FGD6: variants seen among roughly 807,000 people sequenced by gnomAD.
The protein encoded by FGD6 is FYVE, RhoGEF and PH domain-containing protein 6.
A neutral mutation model predicts 149.4 loss-of-function variants in FGD6; 90 were observed. The observed-to-expected ratio is 0.60, with a 90% confidence interval of 0.51 to 0.72. The LOEUF (loss-of-function observed/expected upper bound fraction) is 0.72, where lower values mean the gene tolerates loss of function less well. Ranked by LOEUF, FGD6 falls within the 30% of genes least tolerant of loss-of-function variation. The pLI is 0.00. For missense variants in FGD6, 1,437 were observed against 1,684.8 expected, an observed-to-expected ratio of 0.85 and a Z score of 2.57; for synonymous variants, 527 against 584.0, an observed-to-expected ratio of 0.90 and a Z score of 1.41.
intron 8 of FGD6, among the ~76,000 whole-genome samples, chr12:95,117,703 A>T (rs61935771): frequency 6.6e-6 from 1 of 152,038 alleles, no homozygotes; most frequent in Admixed American, 6.6e-5. Context: ...CTGGGATTAT[A>T]GGTGTGAGCC....
At chr12:95,103,596 G>A (rs1415554592) in intron 14 of FGD6, among the ~76,000 whole-genome samples, 8 of 152,280 alleles carry the variant, frequency 5.3e-5, no homozygotes, top group Admixed American at 3.3e-4. Context: ...GTGCAGTGGA[G>A]TGATCTCGGT....
chr12:95,183,153 C>T (rs952162299), intron 2 of FGD6, among the ~76,000 whole-genome samples: 12 of 152,234 alleles, frequency 7.9e-5, no homozygotes, highest in African/African-American at 2.9e-4. Flanking sequence ...GGTCTCACTA[C>T]ACACTGCCCT....
intron 3 of FGD6, among the ~76,000 whole-genome samples, chr12:95,158,300 TG>T (rs1880536721): frequency 6.6e-6 from 1 of 151,480 alleles, no homozygotes; most frequent in African/African-American, 2.4e-5. Flanking sequence ...CCTGAGTAGC[TG>T]GGACTACAGG....
chr12:95,097,868 T>C lies in FGD6; in HGVS notation c.3498-3174A>G, dbSNP rs532316972. On this transcript the variant is annotated intron_variant, in intron 14 of 20. Transcript: ENST00000343958. ...TTGAGGTGAAACATGTATTAACATA[T>C]GATATGACAAATGTAGATAAATAAC... 1.1e-4 allele frequency among the ~76,000 whole-genome samples: 16 copies of C among 152,274 alleles called. No individual in the cohort carries two copies. The South Asian group carries it at 1.9e-3, about 18-fold the overall frequency.
In FGD6 at chr12:95,186,228, C is replaced by CTTTTTTTTTTTTTTTTTTTTTTTTTT. The variant is rs1174763781; in HGVS notation, c.2442-13510_2442-13485dup. ...TAAGAATGCTTCTTATATTCTTCTT[C>CTTTTTTTTTTTTTTTTTTTTTTTTTT]TTTTTTTTTTTTTTTTTTTTTTTTT... is the stretch of plus-strand genomic sequence containing the variant. On this transcript the variant is annotated intron_variant, in intron 2 of 20. Transcript: ENST00000343958. Among the ~76,000 whole-genome samples the CTTTTTTTTTTTTTTTTTTTTTTTTTT allele has an allele frequency of 7.7e-5, 3 of 38,938 alleles. 1 individual carries two copies. Among genetic ancestry groups the CTTTTTTTTTTTTTTTTTTTTTTTTTT allele is most frequent in the Admixed American group, 3.6e-4 (1 of 2,788 alleles). 25.5% of individuals were successfully genotyped at this position (38,938 alleles called of 152,430 possible).
Position 95,081,234 on chromosome 12 carries a change from TAAGA to T in FGD6, c.*282_*285del. On this transcript the variant is annotated 3_prime_UTR_variant, in exon 21 of 21. Coordinates refer to ENST00000343958, the MANE Select transcript of FGD6 (RefSeq NM_018351.4). Reference sequence around the variant, plus strand: ...GAATAGTTAATACAGTATACAGTATTAAGATAGTTTTTCTGGTCTCTAAAGAAAT... The same window carrying T: ...GAATAGTTAATACAGTATACAGTATTTAGTTTTTCTGGTCTCTAAAGAAAT... The T allele has an allele frequency of 3.8e-6, 1 of 260,956 alleles. No homozygotes were observed. The highest frequency in any genetic ancestry group is 7.4e-6 in the Non-Finnish European group (1 of 135,412). The allele number at this position is 260,956 out of a possible 1,614,324, so 16.2% of individuals were successfully genotyped here.
intron 20 of FGD6, among the ~76,000 whole-genome samples, chr12:95,084,230 G>C (rs951315687): frequency 6.6e-6 from 1 of 152,226 alleles, no homozygotes; most frequent in East Asian, 1.9e-4. Context: ...GCATCACGCT[G>C]CTTCCTCTGA....
intron 2 of FGD6, among the ~76,000 whole-genome samples, chr12:95,191,518 C>A (rs896489323): frequency 2.6e-5 from 4 of 152,184 alleles, no homozygotes; most frequent in Non-Finnish European, 5.9e-5. Context: ...CCACTGTTTG[C>A]TCAGATGTGA....
At chr12:95,187,482 G>A (rs1413669364) in intron 2 of FGD6, among the ~76,000 whole-genome samples, 18 of 151,720 alleles carry the variant, frequency 1.2e-4, no homozygotes, top group African/African-American at 3.9e-4. Context: ...GTGAAACCCC[G>A]TCTCTACTAA....
intron 8 of FGD6, among the ~76,000 whole-genome samples, chr12:95,119,715 G>T (rs530360654): frequency 2.6e-5 from 4 of 152,160 alleles, no homozygotes; most frequent in Non-Finnish European, 4.4e-5. Flanking sequence ...CAGATCACCG[G>T]AGGTCAGGAG....
chr12:95,108,531 T>G lies in FGD6; in HGVS notation c.3164A>C (p.Asn1055Thr). 6.2e-7 allele frequency: 1 copy of G among 1,614,050 alleles called. No individual in the cohort carries two copies. Among genetic ancestry groups the G allele is most frequent in the Non-Finnish European group, 8.5e-7 (1 of 1,179,954 alleles). ...DALAVVIEVA[N>T]HANDTMKQGD... The stretch of plus-strand genomic sequence containing the variant: ...TTGCTTCATGGTGTCATTGGCGTGG[T>G]TGGCTACCTCTATAACAACAGCAAG... The change falls in exon 10 of 21, where the codon AAC becomes ACC. Residue 1055 changes from asparagine (N) to threonine (T), a missense_variant. Asn to Thr is a moderately conservative substitution (Grantham distance 65, BLOSUM62 0). This residue lies in a region of FGD6 where 382 missense variants were observed against 538.7 expected (regional missense o/e 0.71). Coordinates refer to ENST00000343958, the MANE Select transcript of FGD6 (RefSeq NM_018351.4).
chr12:95,110,947 A>G (rs1482809960), intron 9 of FGD6, among the ~76,000 whole-genome samples: 1 of 151,536 alleles, frequency 6.6e-6, no homozygotes, highest in East Asian at 2.0e-4. Flanking sequence ...TTCTTGCCTC[A>G]CCTTCCCTCA....
chr12:95,203,132 T>C (rs1286432027), intron 2 of FGD6, among the ~76,000 whole-genome samples: 1 of 152,194 alleles, frequency 6.6e-6, no homozygotes, highest in African/African-American at 2.4e-5. Context: ...TGCAGTGTCA[T>C]TCAGCAGCTC....
rs1388838256 is a variant in FGD6 at position 95,217,159 on chromosome 12, C to A, written c.16+66G>T. 10 of 1,604,052 alleles carry A rather than the reference C, an allele frequency of 6.2e-6. No homozygotes were observed. In the Admixed American group the frequency reaches 1.2e-4, roughly 19 times the overall value. Reference sequence around the variant, plus strand: ...GCCCACCCCGGCGAAGAAAGTTGCTCGCGAGCCCAAGCCTAGCAGCGCTCG... The same window carrying A: ...GCCCACCCCGGCGAAGAAAGTTGCTAGCGAGCCCAAGCCTAGCAGCGCTCG... On this transcript the variant is annotated intron_variant, in intron 1 of 20. Transcript: ENST00000343958.
At chr12:95,180,040 T>C (rs1298774538) in intron 2 of FGD6, among the ~76,000 whole-genome samples, 1 of 149,224 alleles carries the variant, frequency 6.7e-6, no homozygotes, top group Admixed American at 6.8e-5. Flanking sequence ...ATCCTGCCAT[T>C]GCACTCCAGC....
chr12:95,192,264 T>G (rs1299615119), intron 2 of FGD6, among the ~76,000 whole-genome samples: 1 of 152,146 alleles, frequency 6.6e-6, no homozygotes, highest in Non-Finnish European at 1.5e-5. Flanking sequence ...CATGTATTTT[T>G]TAGGGGGGAA....
intron 2 of FGD6, among the ~76,000 whole-genome samples, chr12:95,191,547 G>C (rs1332131794): frequency 6.6e-6 from 1 of 152,086 alleles, no homozygotes; most frequent in Non-Finnish European, 1.5e-5. Flanking sequence ...TTTGTGCCAG[G>C]TATCTGCTGG....
Position 95,209,852 on chromosome 12 carries a change from G to A in FGD6, c.1432C>T (p.Pro478Ser). Residue 478 changes from proline (P) to serine (S), a missense_variant, in exon 2 of 21, where the codon CCT (proline) becomes TCT (serine). Pro to Ser is a moderately conservative substitution (Grantham distance 74). Transcript: ENST00000343958. ...ATAACAGATTCCTTTTGCATTTGAGGGGCAGAAACTCCCAGGTTTCTCCCA... is the reference window on the plus strand; with the variant it reads ...ATAACAGATTCCTTTTGCATTTGAGAGGCAGAAACTCCCAGGTTTCTCCCA... ...QSGRNLGVSA[P>S]QMQKESVIKE... is the part of the protein sequence containing the mutation. 4 of 1,608,948 alleles carry A rather than the reference G, an allele frequency of 2.5e-6. No homozygotes were observed. The highest frequency in any genetic ancestry group is 3.4e-6 in the Non-Finnish European group (4 of 1,178,876).
rs1285190741 is a variant in FGD6, at chr12:95,115,404, T to TC, written c.3083-1704_3083-1703insG. On this transcript the variant is annotated intron_variant, in intron 8 of 20. Coordinates refer to ENST00000343958, the MANE Select transcript of FGD6 (RefSeq NM_018351.4). ...TGGTGTGTGCCTCCATGTCTGCTTT[T>TC]TTTTTTTTTTTTGCAGAGGCAGGGT... Among the ~76,000 whole-genome samples the TC allele has an allele frequency of 2.0e-5, 3 of 150,788 alleles. No homozygotes were observed. In the East Asian group the frequency reaches 5.8e-4, roughly 29 times the overall value.
Sources: allele counts gnomAD v4.1 joint callset (sites outside exome capture counted in the v4.1 genomes callset), GRCh38; gene constraint gnomAD v4.1.1; regional missense constraint gnomAD v4.1.1; transcripts MANE v1.5; gene names NCBI Gene and HGNC (gene_info 2026-07-23, HGNC 2026-07-21).